Variants in ITGA7 observed in about 807,000 individuals in gnomAD.
ITGA7 encodes the protein integrin alpha-7.
A neutral mutation model predicts 131.6 loss-of-function variants in ITGA7; 84 were observed. The ratio of observed to expected loss-of-function variants is 0.64; its 90% CI spans 0.54 to 0.77. The LOEUF is 0.77. Among genes scored for constraint, ITGA7 ranks in the 30% least tolerant of loss-of-function variants. The pLI is 0.00. For synonymous variants in ITGA7, 548 were observed against 600.7 expected (o/e 0.91, Z 1.28); for missense variants, 1,399 against 1,482.9 (o/e 0.94, Z 0.93).
At position 55,707,463 on chromosome 12, in the gene ITGA7, G is replaced by T. The variant is rs568733321; in HGVS notation, c.206+14C>A. 2.5e-6 allele frequency: 4 copies of T among 1,605,806 alleles called. No individual in the cohort carries two copies. The South Asian group carries it at 4.4e-5, about 18-fold the overall frequency. Reference sequence around the variant, plus strand: ...GCTCGGGCATGGCGACTCTGGGCGGGTGCGGTGACTCACCAGCTCTGGGGT... The same window carrying T: ...GCTCGGGCATGGCGACTCTGGGCGGTTGCGGTGACTCACCAGCTCTGGGGT... On this transcript the variant is annotated intron_variant, in intron 1 of 24. Transcript: ENST00000257879.
At position 55,701,085 on chromosome 12, in the gene ITGA7, G is replaced by A. The variant is rs372389864; in HGVS notation, c.484C>T (p.Arg162Cys). 11 of 1,614,152 alleles carry A rather than the reference G, an allele frequency of 6.8e-6. No individual in the cohort carries two copies. The highest frequency in any genetic ancestry group is 4.5e-5 in the East Asian group (2 of 44,874). Residue 162 changes from arginine (R) to cysteine (C), a missense_variant, in exon 4 of 25, where the codon CGC becomes TGC. Physicochemically the swap from Arg to Cys is radical, Grantham distance 180. Coordinates refer to ENST00000257879, the MANE Select transcript of ITGA7 (RefSeq NM_002206.3). ...AGGTCCTGGCTGAGCACAAAGCAGC[G>A]ACCAATCATATCCCGCGTCTCCAGG... ...QILETRDMIG[R>C]CFVLSQDLAI...
In ITGA7 at chr12:55,703,130, C is replaced by T. The variant is rs768742655; in HGVS notation, c.255G>A (p.Ala85=). ...AAGCGAAGAGGCCTCCAGTGCGATT[C>T]GCCTGCTGCCCAGGAAGAGCCAGGG... ...PQALALPGQQ[A]NRTGGLFACP... Residue 85 remains alanine, a synonymous_variant, in exon 2 of 25, where the codon GCG becomes GCA. Transcript: ENST00000257879. 13 of 1,613,284 alleles carry T rather than the reference C, an allele frequency of 8.1e-6. No homozygotes were observed. The highest frequency in any genetic ancestry group is 5.0e-5 in the Admixed American group (3 of 60,008).
intron 1 of ITGA7, among the ~76,000 whole-genome samples, chr12:55,704,959 G>A (rs1874866888): frequency 1.3e-5 from 2 of 152,196 alleles, no homozygotes; most frequent in Non-Finnish European, 2.9e-5. Flanking sequence ...GAGTGTCGGG[G>A]CTGTCTTTTC....
At position 55,707,617 on chromosome 12, in the gene ITGA7, C is replaced by G. The variant is rs137962065; in HGVS notation, c.66G>C (p.Leu22=). 2 of 1,611,412 alleles carry G rather than the reference C, an allele frequency of 1.2e-6. No homozygotes were observed. The highest frequency in any genetic ancestry group is 1.7e-6 in the Non-Finnish European group (2 of 1,178,718). The part of the protein sequence containing the change: ...ASGICYLFGS[L]LVELLFSRAV... ...CCCGTGAGAAGAGCAGTTCGACGAG[C>G]AGGGAGCCAAAAAGGTAGCAAATCC... The change falls in exon 1 of 25, where the codon CTG becomes CTC. Residue 22 remains leucine (L), a synonymous_variant. Transcript: ENST00000257879.
Position 55,693,182 on chromosome 12 carries a change from G to A in ITGA7, c.2671C>T (p.Gln891Ter), listed in dbSNP as rs1052376672. The change falls in exon 20 of 25, where the codon CAG becomes TAG. Residue 891 changes from glutamine to a stop codon, truncating the protein, a stop_gained. Coordinates refer to ENST00000257879, the MANE Select transcript of ITGA7 (RefSeq NM_002206.3). LOFTEE classifies it high-confidence loss of function. ...GGCCTGGGAGAGCAAAGCCCTTTCT[G>A]CCCAGGCCCCTGCCCGCCCTCCAGC... is the stretch of plus-strand genomic sequence containing the variant. ...VELEGGQGPG[Q>*]KGLCSPRPNI... The A allele has an allele frequency of 6.2e-7, 1 of 1,613,784 alleles. No homozygotes were observed. Among genetic ancestry groups the A allele is most frequent in the Admixed American group, 1.7e-5 (1 of 59,984 alleles).
intron 22 of ITGA7, 74 bp downstream of exon 22, chr12:55,688,770 G>T: frequency 9.2e-7 from 1 of 1,084,796 alleles, no homozygotes; most frequent in East Asian, 2.4e-5. Flanking sequence ...AGTGAGGAAG[G>T]AGGAGGAGAA....
At chr12:55,710,499 G>C (rs965279504), upstream of ITGA7, among the ~76,000 whole-genome samples, 1 of 151,842 alleles carries the variant, frequency 6.6e-6, no homozygotes, top group African/African-American at 2.4e-5. Flanking sequence ...ATGCTGAGCT[G>C]GGCACAGTGG....
chr12:55,707,027 T>G (rs1875339307), intron 1 of ITGA7, among the ~76,000 whole-genome samples: 2 of 152,182 alleles, frequency 1.3e-5, no homozygotes, highest in South Asian at 4.1e-4. Flanking sequence ...TAGCAGGAAG[T>G]TATTTCTGGA....
intron 21 of ITGA7, 53 bp downstream of exon 21, chr12:55,692,791 T>C: frequency 6.4e-7 from 1 of 1,559,072 alleles, no homozygotes; most frequent in Non-Finnish European, 8.7e-7. Flanking sequence ...GTACCCTTCC[T>C]GGACACGCAG....
rs1169380573 is a variant in ITGA7, at chr12:55,704,487, T to C, written c.207-1309A>G. Among the ~76,000 whole-genome samples, 7 of 152,174 alleles carry C rather than the reference T, an allele frequency of 4.6e-5. No homozygotes were observed. The East Asian group carries it at 1.3e-3, about 29-fold the overall frequency. On this transcript the variant is annotated intron_variant, in intron 1 of 24. Transcript: ENST00000257879. Reference sequence around the variant, plus strand: ...TGCCAAGCCCTGTGTCAGGCGCTGGTGAGACAAGGAAATCATATTTATTCA... The same window carrying C: ...TGCCAAGCCCTGTGTCAGGCGCTGGCGAGACAAGGAAATCATATTTATTCA...
At position 55,698,854 on chromosome 12, in the gene ITGA7, G is replaced by T. The variant is rs758952304; in HGVS notation, c.854C>A (p.Ala285Asp). The T allele has an allele frequency of 6.2e-7, 1 of 1,611,916 alleles. No homozygotes were observed. The highest frequency in any genetic ancestry group is 1.7e-5 in the Admixed American group (1 of 59,852). Reference sequence around the variant, plus strand: ...AGCACCCTTGTGGTTGGCGCGGGGGGCTCCAGCCACAAAGCTCAGCTCTTC... The same window carrying T: ...AGCACCCTTGTGGTTGGCGCGGGGGTCTCCAGCCACAAAGCTCAGCTCTTC... ...RAEELSFVAG[A>D]PRANHKGAVV... Residue 285 changes from alanine (A) to aspartate (D), a missense_variant, in exon 6 of 25, where the codon GCC (alanine) becomes GAC (aspartate). Transcript: ENST00000257879.
chr12:55,686,104 C>A, intron 24 of ITGA7: 1 of 605,412 alleles, frequency 1.7e-6, no homozygotes, highest in Non-Finnish European at 2.6e-6. Flanking sequence ...ATTTTTCACC[C>A]TGAACATTCC....
At position 55,694,964 on chromosome 12, in the gene ITGA7, CACA is replaced by C; in HGVS notation, c.2007_2009del (p.Asp669_Val670delinsGlu). 2 of 1,613,310 alleles carry C rather than the reference CACA, an allele frequency of 1.2e-6. No individual in the cohort carries two copies. Among genetic ancestry groups the C allele is most frequent in the Non-Finnish European group, 1.7e-6 (2 of 1,179,970 alleles). On this transcript the variant is annotated inframe_deletion, in exon 15 of 25. Transcript: ENST00000257879. The surrounding 1 kb of genome is among the most constrained non-coding windows in gnomAD (Gnocchi z 5.3). Reference sequence around the variant, plus strand: ...GTGCAAACAGGGCTGTTGTTCCATCCACATCCCTGGAGAGTCAGACCCCACTCC... The same window carrying C: ...GTGCAAACAGGGCTGTTGTTCCATCCTCCCTGGAGAGTCAGACCCCACTCC...
intron 4 of ITGA7, 148 bp from the exon 5 acceptor site, chr12:55,700,137 CAGAA>C (rs1372305872): frequency 3.6e-6 from 5 of 1,404,702 alleles, no homozygotes; most frequent in Non-Finnish European, 4.9e-6. Context: ...CAGCCAGAGA[CAGAA>C]AGACAGAGAG....
chr12:55,712,210 T>C (rs1375234679), upstream of ITGA7: 5 of 1,551,470 alleles, frequency 3.2e-6, no homozygotes, highest in Non-Finnish European at 3.5e-6. Context: ...TCTTTGACGA[T>C]CCAAAAGAAA....
At chr12:55,686,169 C>G (rs1411252776) in intron 24 of ITGA7, 2 of 1,205,272 alleles carry the variant, frequency 1.7e-6, no homozygotes, top group East Asian at 4.9e-5. Flanking sequence ...CATACCCACA[C>G]ACACTAGACA....
Position 55,707,836 on chromosome 12 carries a change from G to GCCGCT in ITGA7, c.-159_-155dup. On this transcript the variant is annotated 5_prime_UTR_variant, in exon 1 of 25. Coordinates refer to ENST00000257879, the MANE Select transcript of ITGA7 (RefSeq NM_002206.3). ...GCCCCGCCAGCCCTCCCGCCCGCCCGCCGCTCCGCCACCCCGCCGCCCCAG... is the reference window on the plus strand; with the variant it reads ...GCCCCGCCAGCCCTCCCGCCCGCCCGCCGCTCCGCTCCGCCACCCCGCCGCCCCAG... 1 of 556,756 alleles carries GCCGCT rather than the reference G, an allele frequency of 1.8e-6. No homozygotes were observed. Among genetic ancestry groups the GCCGCT allele is most frequent in the Non-Finnish European group, 2.9e-6 (1 of 343,112 alleles). The allele number at this position is 556,756 out of a possible 1,614,324, so 34.5% of individuals were successfully genotyped here.
rs370571804 is a variant in ITGA7 at position 55,697,858 on chromosome 12, C to A, written c.1282-36G>T. 19 of 1,613,968 alleles carry A rather than the reference C, an allele frequency of 1.2e-5. No individual in the cohort carries two copies. The African/African-American group carries it at 2.4e-4, about 20-fold the overall frequency. ...AGCTGTCAGCCTCCCTCAATCCCAC[C>A]TCCCGCAGGCCTCTGCCTCCCCTGA... On this transcript the variant is annotated intron_variant, in intron 8 of 24. Coordinates refer to ENST00000257879, the MANE Select transcript of ITGA7 (RefSeq NM_002206.3).
At chr12:55,689,021 TC>T in intron 21 of ITGA7, 64 bp from the exon 22 acceptor site, 1 of 1,283,276 alleles carries the variant, frequency 7.8e-7, no homozygotes, top group Non-Finnish European at 1.1e-6. Flanking sequence ...CTGCCATCTC[TC>T]CCATTTTCCT....
Sources: gnomAD v4.1 joint callset for allele counts (sites outside exome capture counted in the v4.1 genomes callset) on GRCh38, gnomAD v4.1.1 for gene constraint, Gnocchi (gnomAD v3.1) non-coding constraint, MANE v1.5 for transcripts, NCBI Gene and HGNC (gene_info 2026-07-23, HGNC 2026-07-21) for gene names.